The following ANTXR1 variants were observed in gnomAD, a reference collection of about 807,000 sequenced individuals.
ANTXR1 encodes the protein ANTXR cell adhesion molecule 1, also known as anthrax toxin receptor 1.
In ANTXR1, 19 loss-of-function variants were observed where a neutral mutation model predicts 78.1. That is an observed-to-expected ratio of 0.24 (90% CI 0.17 to 0.36). The LOEUF (loss-of-function observed/expected upper bound fraction) is 0.36, where lower values mean the gene tolerates loss of function less well. Among genes scored for constraint, ANTXR1 ranks in the 10% least tolerant of loss-of-function variants. ANTXR1 has a pLI of 1.00. For missense variants in ANTXR1, 518 were observed against 718.6 expected, an observed-to-expected ratio of 0.72 and a Z score of 3.19; for synonymous variants, 273 against 260.5, an observed-to-expected ratio of 1.05 and a Z score of -0.46.
intron 13 of ANTXR1, among the ~76,000 whole-genome samples, chr2:69,166,289 G>A (rs1014030842): frequency 1.3e-5 from 2 of 152,206 alleles, no homozygotes; most frequent in East Asian, 1.9e-4. Flanking sequence ...GAACAGAGAC[G>A]GATAAAGTCA....
At chr2:69,131,926 T>C (rs1430583181) in intron 12 of ANTXR1, among the ~76,000 whole-genome samples, 1 of 152,160 alleles carries the variant, frequency 6.6e-6, no homozygotes, top group East Asian at 1.9e-4. Context: ...TAGTCAAAGA[T>C]ATCATCATAA....
chr2:69,107,526 C>T (rs756192125), intron 10 of ANTXR1, among the ~76,000 whole-genome samples: 2 of 151,834 alleles, frequency 1.3e-5, no homozygotes, highest in African/African-American at 4.8e-5. Context: ...AGGTGTGGGC[C>T]GCCACACCCA....
At chr2:69,172,500 A>G (rs766629008) in intron 14 of ANTXR1, 30 of 1,460,892 alleles carry the variant, frequency 2.1e-5, no homozygotes, top group Non-Finnish European at 2.7e-5. Flanking sequence ...CTTTTCCTCT[A>G]GTTCCCTGTA....
At chr2:69,157,054 C>A (rs762053775) in intron 13 of ANTXR1, among the ~76,000 whole-genome samples, 3 of 152,228 alleles carry the variant, frequency 2.0e-5, no homozygotes, top group Non-Finnish European at 4.4e-5. Flanking sequence ...TCCCACTGCA[C>A]CCTGAGCACC....
chr2:69,037,119 G>C (rs905827240), intron 1 of ANTXR1, among the ~76,000 whole-genome samples: 39 of 152,146 alleles, frequency 2.6e-4, no homozygotes, highest in African/African-American at 9.4e-4. Flanking sequence ...ATCTGGGAAG[G>C]CTTCTTACTT....
At chr2:69,166,841 G>C (rs536003191) in intron 13 of ANTXR1, among the ~76,000 whole-genome samples, 1 of 152,314 alleles carries the variant, frequency 6.6e-6, no homozygotes, top group South Asian at 2.1e-4. Flanking sequence ...TGGAAACAGA[G>C]GATTTCTAGT....
chr2:69,183,549 G>A lies in ANTXR1; in HGVS notation c.1353+889G>A, dbSNP rs148620706. On this transcript the variant is annotated intron_variant, in intron 16 of 17. Transcript: ENST00000303714. ...CCCAAGTAGCTGGGACTACGGGCAC[G>A]CACCACCACACCCAGCTAATTTTTG... is the stretch of plus-strand genomic sequence containing the variant. Among the ~76,000 whole-genome samples, 883 of 146,364 alleles carry A rather than the reference G, an allele frequency of 6.0e-3. 10 individuals are homozygous for A. Among genetic ancestry groups the A allele is most frequent in the African/African-American group, 0.021 (825 of 39,910 alleles).
chr2:69,214,939 G>C (rs77290328), intron 17 of ANTXR1, among the ~76,000 whole-genome samples: 7,966 of 152,184 alleles, frequency 0.052, 552 homozygotes, highest in African/African-American at 0.15. Context: ...CCTCCAGCTT[G>C]TTACTGCCGA....
intron 10 of ANTXR1, among the ~76,000 whole-genome samples, chr2:69,114,890 A>T (rs1243074314): frequency 6.6e-6 from 1 of 152,106 alleles, no homozygotes; most frequent in Admixed American, 6.5e-5. Flanking sequence ...CATCACCTCT[A>T]AACTTTTCTG....
At chr2:69,216,188 A>C (rs1003306759) in intron 17 of ANTXR1, among the ~76,000 whole-genome samples, 1 of 152,222 alleles carries the variant, frequency 6.6e-6, no homozygotes, top group African/African-American at 2.4e-5. Flanking sequence ...TAATTTTTAG[A>C]GCTAGAAGGA....
rs183224369 is a variant in ANTXR1 at position 69,074,972 on chromosome 2, A to G, written c.493-618A>G. Among the ~76,000 whole-genome samples, 275 of 152,316 alleles carry G rather than the reference A, an allele frequency of 1.8e-3. 1 individual carries two copies. The highest frequency in any genetic ancestry group is 1.7e-3 in the East Asian group (9 of 5,184). ...TATTATTCATTATGTTGCCATCCCAATGCTTAATTGTAGAGATCATGGATT... is the reference window on the plus strand; with the variant it reads ...TATTATTCATTATGTTGCCATCCCAGTGCTTAATTGTAGAGATCATGGATT... On this transcript the variant is annotated intron_variant, in intron 6 of 17. Transcript: ENST00000303714.
intron 17 of ANTXR1, among the ~76,000 whole-genome samples, chr2:69,194,584 G>T (rs1254358740): frequency 6.6e-6 from 1 of 152,178 alleles, no homozygotes; most frequent in Non-Finnish European, 1.5e-5. Context: ...TGGGCACCGT[G>T]GCTCATACCT....
At chr2:69,112,472 A>G (rs148402633) in intron 10 of ANTXR1, among the ~76,000 whole-genome samples, 180 of 152,120 alleles carry the variant, frequency 1.2e-3, no homozygotes, top group Non-Finnish European at 2.1e-3. Context: ...TGTGTGCCTG[A>G]TTCAGAGATG....
chr2:69,177,452 C>G (rs1275862005), intron 14 of ANTXR1, among the ~76,000 whole-genome samples: 2 of 152,216 alleles, frequency 1.3e-5, no homozygotes, highest in Non-Finnish European at 2.9e-5. Context: ...TGCAGGCACA[C>G]CCAGGTCTGC....
At chr2:69,216,446 T>G (rs545274997) in intron 17 of ANTXR1, among the ~76,000 whole-genome samples, 2 of 152,160 alleles carry the variant, frequency 1.3e-5, no homozygotes, top group Non-Finnish European at 2.9e-5. Flanking sequence ...CATACATATA[T>G]GTATATACAC....
At chr2:69,018,562 G>T (rs766158382) in intron 1 of ANTXR1, among the ~76,000 whole-genome samples, 1 of 152,186 alleles carries the variant, frequency 6.6e-6, no homozygotes, top group Non-Finnish European at 1.5e-5. Context: ...TGTGAGTCTT[G>T]CAGACTCATG....
intron 17 of ANTXR1, among the ~76,000 whole-genome samples, chr2:69,226,093 C>T (rs1675444504): frequency 6.6e-6 from 1 of 152,168 alleles, no homozygotes; most frequent in South Asian, 2.1e-4. Context: ...CATCTCTCAG[C>T]CTCAAGAATC....
At chr2:69,165,736 A>G (rs1288328622) in intron 13 of ANTXR1, among the ~76,000 whole-genome samples, 2 of 152,276 alleles carry the variant, frequency 1.3e-5, no homozygotes, top group East Asian at 1.9e-4. Flanking sequence ...GTTGAGAACT[A>G]GAATGACAGC....
chr2:69,203,060 G>A (rs562939214), intron 17 of ANTXR1, among the ~76,000 whole-genome samples: 65 of 137,798 alleles, frequency 4.7e-4, no homozygotes, highest in African/African-American at 1.5e-3. Context: ...CATGAAAGTC[G>A]TTTTTCTTGC....
Sources: gnomAD v4.1 joint callset for allele counts (sites outside exome capture counted in the v4.1 genomes callset) on GRCh38, gnomAD v4.1.1 for gene constraint, MANE v1.5 for transcripts, NCBI Gene and HGNC (gene_info 2026-07-23, HGNC 2026-07-21) for gene names.